CNTN5: variants seen among roughly 807,000 people sequenced by gnomAD.
CNTN5 encodes the protein contactin 5.
A neutral mutation model predicts 129.1 loss-of-function variants in CNTN5; 77 were observed. The observed-to-expected ratio is 0.60, with a 90% CI of 0.50 to 0.72. The LOEUF is 0.72. Ranked by LOEUF, CNTN5 falls within the 30% of genes least tolerant of loss-of-function variation. CNTN5 has a pLI of 0.00. For synonymous variants in CNTN5, 509 were observed against 465.6 expected, an observed-to-expected ratio of 1.09 and a Z score of -1.20; for missense variants, 1,478 against 1,328.8, an observed-to-expected ratio of 1.11 and a Z score of -1.75.
At chr11:100,219,829 T>C (rs567589130) in intron 15 of CNTN5, among the ~76,000 whole-genome samples, 2 of 152,334 alleles carry the variant, frequency 1.3e-5, no homozygotes, top group South Asian at 2.1e-4. Context: ...TCTGATAACA[T>C]GTTCAGTTAT....
intron 16 of CNTN5, among the ~76,000 whole-genome samples, chr11:100,238,667 T>C (rs1049461186): frequency 2.0e-5 from 3 of 152,114 alleles, no homozygotes; most frequent in East Asian, 1.9e-4. Flanking sequence ...AAACAGTAAA[T>C]TGGTTTTTGG....
At chr11:99,166,495 G>A (rs969219808) in intron 1 of CNTN5, among the ~76,000 whole-genome samples, 1 of 151,748 alleles carries the variant, frequency 6.6e-6, no homozygotes, top group African/African-American at 2.4e-5. Context: ...CTCAGGAAAG[G>A]AGTTCCAGTA....
At chr11:99,139,112 C>A (rs11218531) in intron 1 of CNTN5, among the ~76,000 whole-genome samples, 1 of 1,664 alleles carries the variant, frequency 6.0e-4, no homozygotes, top group African/African-American at 0.012. Flanking sequence ...CCCCCCCCCC[C>A]CAAAAATTAG....
intron 3 of CNTN5, among the ~76,000 whole-genome samples, chr11:99,589,344 TTTAA>T (rs1449007359): frequency 1.3e-5 from 2 of 152,242 alleles, no homozygotes; most frequent in East Asian, 3.8e-4. Context: ...ATTTAAGTTC[TTTAA>T]TTAATTTCAA....
chr11:99,313,936 T>C (rs1280295967), intron 1 of CNTN5, among the ~76,000 whole-genome samples: 3 of 152,086 alleles, frequency 2.0e-5, no homozygotes, highest in South Asian at 4.1e-4. Context: ...GACAAGCATA[T>C]CCTAGGCTAC....
intron 3 of CNTN5, among the ~76,000 whole-genome samples, chr11:99,781,856 G>A (rs975294452): frequency 3.9e-5 from 6 of 151,964 alleles, no homozygotes; most frequent in Admixed American, 1.3e-4. Flanking sequence ...TATGACAAAC[G>A]CACAGCCAAT....
rs80034628 is a variant in CNTN5 at position 100,169,171 on chromosome 11, T to C, written c.1581-21955T>C. ...GAACACTGATAAAGAAAGAAAGGAT[T>C]TAGGATATCACATCAACTTTGTTGA... On this transcript the variant is annotated intron_variant, in intron 13 of 24. Coordinates refer to ENST00000524871, the MANE Select transcript of CNTN5 (RefSeq NM_014361.4). Among the ~76,000 whole-genome samples the C allele has an allele frequency of 6.7e-3, 1,025 of 152,008 alleles. 9 individuals carry two copies. The highest frequency in any genetic ancestry group is 0.023 in the African/African-American group (966 of 41,500).
At chr11:100,062,842 C>A (rs559069432) in intron 10 of CNTN5, among the ~76,000 whole-genome samples, 58 of 152,252 alleles carry the variant, frequency 3.8e-4, no homozygotes, top group African/African-American at 1.3e-3. Flanking sequence ...TAAAACAAAT[C>A]ATTAAGACAA....
chr11:100,249,305 G>A (rs1189111828), intron 16 of CNTN5, among the ~76,000 whole-genome samples: 2 of 152,118 alleles, frequency 1.3e-5, no homozygotes, highest in African/African-American at 2.4e-5. Flanking sequence ...TCAACAGAAA[G>A]AGTTGATCTG....
chr11:100,331,052 A>T, intron 21 of CNTN5, among the ~76,000 whole-genome samples: 1 of 152,184 alleles, frequency 6.6e-6, no homozygotes, highest in Non-Finnish European at 1.5e-5. Context: ...AATAGATAAA[A>T]ATTCACCAAC....
chr11:99,630,419 G>A (rs73540885), intron 3 of CNTN5, among the ~76,000 whole-genome samples: 3,266 of 152,066 alleles, frequency 0.021, 120 homozygotes, highest in African/African-American at 0.074. Context: ...TTCTAATCAT[G>A]TGAACATGGT....
At chr11:99,123,842 A>C (rs1858482006) in intron 1 of CNTN5, among the ~76,000 whole-genome samples, 1 of 151,912 alleles carries the variant, frequency 6.6e-6, no homozygotes, top group Non-Finnish European at 1.5e-5. Flanking sequence ...GCTTTTTCAA[A>C]GTTCAGGTGG....
At chr11:99,923,930 T>C (rs1184909841) in intron 7 of CNTN5, among the ~76,000 whole-genome samples, 1 of 152,088 alleles carries the variant, frequency 6.6e-6, no homozygotes, top group Non-Finnish European at 1.5e-5. Context: ...TGGTAGGTAC[T>C]ACAGGCGCAC....
intron 18 of CNTN5, 69 bp from the exon 19 acceptor site, chr11:100,297,556 T>C (rs1951122331): frequency 1.7e-6 from 2 of 1,157,630 alleles, no homozygotes; most frequent in Non-Finnish European, 2.5e-6. Flanking sequence ...TTCTGACTTA[T>C]CTCAGGATTT....
chr11:99,763,244 A>G (rs1944647734), intron 3 of CNTN5, among the ~76,000 whole-genome samples: 1 of 152,258 alleles, frequency 6.6e-6, no homozygotes, highest in East Asian at 1.9e-4. Context: ...ACACATAAAT[A>G]CATTTCCCTT....
intron 2 of CNTN5, among the ~76,000 whole-genome samples, chr11:99,497,504 T>C (rs943506834): frequency 1.3e-5 from 2 of 152,132 alleles, no homozygotes; most frequent in African/African-American, 4.8e-5. Flanking sequence ...GAAAACTTAT[T>C]TCTAGCTCTC....
intron 9 of CNTN5, among the ~76,000 whole-genome samples, chr11:100,021,068 T>A (rs1420541602): frequency 6.7e-6 from 1 of 150,320 alleles, no homozygotes; most frequent in Non-Finnish European, 1.5e-5. Flanking sequence ...ATTTTATGAA[T>A]TTTTTTAAAA....
At chr11:99,040,874 A>G (rs12284695) in intron 1 of CNTN5, among the ~76,000 whole-genome samples, 11,126 of 152,206 alleles carry the variant, frequency 0.073, 453 homozygotes, top group Middle Eastern at 0.088. Flanking sequence ...TGAAGTATTT[A>G]GCATTAACAT....
intron 3 of CNTN5, among the ~76,000 whole-genome samples, chr11:99,574,369 T>C (rs1949277971): frequency 6.6e-6 from 1 of 152,230 alleles, no homozygotes; most frequent in African/African-American, 2.4e-5. Flanking sequence ...AATAAACATA[T>C]GCATGCATGC....
Sources: allele counts gnomAD v4.1 joint callset (sites outside exome capture counted in the v4.1 genomes callset), GRCh38; gene constraint gnomAD v4.1.1; transcripts MANE v1.5; gene names NCBI Gene and HGNC (gene_info 2026-07-23, HGNC 2026-07-21).